ADGRL1: variants seen among roughly 807,000 people sequenced by gnomAD.
ADGRL1 encodes the protein adhesion G protein-coupled receptor L1.
In ADGRL1, 31 loss-of-function variants were observed where a neutral mutation model predicts 148.9. The observed-to-expected ratio is 0.21, with a 90% confidence interval of 0.16 to 0.28. ADGRL1 has a LOEUF of 0.28. Among genes scored for constraint, ADGRL1 ranks in the 10% least tolerant of loss-of-function variants. The probability of loss-of-function intolerance (pLI) is 1.00; values close to 1 mark genes in which losing one functional copy is unlikely to be tolerated. For synonymous variants in ADGRL1, 937 were observed against 900.3 expected (o/e 1.04, Z -0.73); for missense variants, 1,521 against 2,058.8 (o/e 0.74, Z 5.05).
At chr19:14,168,327 C>T (rs1970176125) in intron 4 of ADGRL1, among the ~76,000 whole-genome samples, 1 of 152,164 alleles carries the variant, frequency 6.6e-6, no homozygotes, top group Non-Finnish European at 1.5e-5. Flanking sequence ...CCTCCCTGTC[C>T]TCTAGCTACC....
At chr19:14,191,191 C>A in intron 1 of ADGRL1, 2 of 456,742 alleles carry the variant, frequency 4.4e-6, no homozygotes, top group Non-Finnish European at 8.8e-6. Flanking sequence ...CATGCGGGTT[C>A]CCACCCTCCA....
At chr19:14,201,560 G>A (rs1422886665) in intron 1 of ADGRL1, among the ~76,000 whole-genome samples, 18 of 151,662 alleles carry the variant, frequency 1.2e-4, no homozygotes, top group Admixed American at 1.2e-3. Context: ...GAGACTACAG[G>A]TACATATTCA....
Position 14,151,530 on chromosome 19 carries a change from A to C in ADGRL1, c.3753T>G (p.Ser1251Arg). ...GNFNNSYSLR[S>R]GDFPPGDGGP... ...CCCCATCCCCGGGAGGGAAATCCCCACTTCGCAAGGAGTAACTGTTATTGA... is the reference window on the plus strand; with the variant it reads ...CCCCATCCCCGGGAGGGAAATCCCCCCTTCGCAAGGAGTAACTGTTATTGA... Residue 1251 changes from serine (S) to arginine (R), a missense_variant, in exon 23 of 23, where the codon AGT (serine) becomes AGG (arginine). Physicochemically the swap from Ser to Arg is moderately radical, Grantham distance 110. Transcript: ENST00000361434. The C allele has an allele frequency of 6.2e-7, 1 of 1,611,260 alleles. No individual in the cohort carries two copies. Among genetic ancestry groups the C allele is most frequent in the Non-Finnish European group, 8.5e-7 (1 of 1,179,044 alleles).
chr19:14,156,734 A>C lies in ADGRL1; in HGVS notation c.2967-10T>G. 6.2e-7 allele frequency: 1 copy of C among 1,606,672 alleles called. No homozygotes were observed. Among genetic ancestry groups the C allele is most frequent in the Non-Finnish European group, 8.5e-7 (1 of 1,176,648 alleles). Reference sequence around the variant, plus strand: ...CACTCGGAGCCAGCAGCTGTAAAGGAAACAGGGCCGGGGTATAGAGAGAAG... The same window carrying C: ...CACTCGGAGCCAGCAGCTGTAAAGGCAACAGGGCCGGGGTATAGAGAGAAG... On this transcript the variant is annotated splice_polypyrimidine_tract_variant and intron_variant, in intron 15 of 22. Transcript: ENST00000361434.
rs1968067025 is a variant in ADGRL1 at position 14,150,626 on chromosome 19, C to G, written c.*247G>C. On this transcript the variant is annotated 3_prime_UTR_variant, in exon 23 of 23. Coordinates refer to ENST00000361434, the MANE Select transcript of ADGRL1 (RefSeq NM_014921.5). ...CACTCCCCTGGGGTCCTCTGGGCTCCTCCTCACTACACTTCCCCCAAATAG... is the reference window on the plus strand; with the variant it reads ...CACTCCCCTGGGGTCCTCTGGGCTCGTCCTCACTACACTTCCCCCAAATAG... 1.9e-6 allele frequency: 1 copy of G among 536,710 alleles called. No individual in the cohort carries two copies. The highest frequency in any genetic ancestry group is 2.5e-5 in the South Asian group (1 of 39,468). 33.2% of individuals were successfully genotyped at this position (536,710 alleles called of 1,614,324 possible).
At chr19:14,172,479 C>A (rs997739861) in intron 3 of ADGRL1, among the ~76,000 whole-genome samples, 1 of 152,024 alleles carries the variant, frequency 6.6e-6, no homozygotes, top group Non-Finnish European at 1.5e-5. Flanking sequence ...GTGGCTCACA[C>A]CTGTAATCCC....
Position 14,159,587 on chromosome 19 carries a change from G to A in ADGRL1, c.1840-3C>T. 1 of 1,594,918 alleles carries A rather than the reference G, an allele frequency of 6.3e-7. No homozygotes were observed. The highest frequency in any genetic ancestry group is 8.6e-7 in the Non-Finnish European group (1 of 1,166,542). The stretch of plus-strand genomic sequence containing the variant: ...TTGTCCACTGTCTCCACCACGGCCT[G>A]CACAGGCAGAGGGCATGGTGCTGTG... On this transcript the variant is annotated splice_region_variant and splice_polypyrimidine_tract_variant and intron_variant, in intron 9 of 22. Transcript: ENST00000361434. The surrounding 1 kb of genome is among the most constrained non-coding windows in gnomAD (Gnocchi z 6.0).
chr19:14,156,571 G>T (rs1255148229), intron 16 of ADGRL1, 87 bp downstream of exon 16: 78 of 892,690 alleles, frequency 8.7e-5, no homozygotes, highest in Non-Finnish European at 1.3e-4. Context: ...GTGTGTGGGG[G>T]GGGTGGGGGG....
intron 1 of ADGRL1, among the ~76,000 whole-genome samples, chr19:14,204,715 A>AGT (rs1273395868): frequency 9.4e-4 from 14 of 14,848 alleles, no homozygotes; most frequent in South Asian, 7.8e-3. Context: ...AGAGAGAGTG[A>AGT]GAGAGAGAGA....
In ADGRL1 at chr19:14,161,607, G is replaced by A; in HGVS notation, c.1215C>T (p.Pro405=). ...GCCTGGCTGTGGTGGTCGTGCTGAG[G>A]GGTGGGGAAGTGGCTGGGCCTGGAG... ...DPSAGPATSP[P]LSTTTTARPT... is the part of the protein sequence containing the mutation. The change falls in exon 6 of 23, where the codon CCC becomes CCT. Residue 405 remains proline (P), a synonymous_variant. Transcript: ENST00000361434. This position sits in a 1 kb window ranked among gnomAD's most constrained non-coding sequence, Gnocchi z 4.4. The A allele has an allele frequency of 7.0e-7, 1 of 1,423,936 alleles. No homozygotes were observed. The allele number at this position is 1,423,936 out of a possible 1,614,324, so 88.2% of individuals were successfully genotyped here.
intron 4 of ADGRL1, chr19:14,166,991 T>C: frequency 6.2e-7 from 1 of 1,611,194 alleles, no homozygotes; most frequent in Non-Finnish European, 8.5e-7. Context: ...GAGTTAGGGG[T>C]TAGCATTGGT....
chr19:14,198,114 A>G (rs1332276620), intron 1 of ADGRL1, among the ~76,000 whole-genome samples: 1 of 151,998 alleles, frequency 6.6e-6, no homozygotes, highest in African/African-American at 2.4e-5. Flanking sequence ...GAATGTGCTG[A>G]GATGTGGCTG....
At chr19:14,156,844 G>A (rs1207945354) in intron 15 of ADGRL1, 81 bp downstream of exon 15, 12 of 1,534,400 alleles carry the variant, frequency 7.8e-6, no homozygotes, top group Admixed American at 1.8e-5. Context: ...AGGGACTACC[G>A]CCCTGAGGGT....
intron 18 of ADGRL1, among the ~76,000 whole-genome samples, chr19:14,154,132 A>G (rs983884464): frequency 3.3e-5 from 5 of 152,016 alleles, no homozygotes; most frequent in Non-Finnish European, 4.4e-5. Context: ...CTGAAAGGAC[A>G]TTGCTGCCAC....
chr19:14,156,575 T>TG (rs1568571217), intron 16 of ADGRL1, 83 bp downstream of exon 16: 4 of 499,172 alleles, frequency 8.0e-6, no homozygotes, highest in African/African-American at 5.8e-5. Context: ...GTGGGGGGGG[T>TG]GGGGGGCGGG....
At position 14,159,326 on chromosome 19, in the gene ADGRL1, C is replaced by A; in HGVS notation, c.2023+75G>T. The A allele has an allele frequency of 1.9e-5, 30 of 1,571,830 alleles. No individual in the cohort carries two copies. Among genetic ancestry groups the A allele is most frequent in the Middle Eastern group, 3.5e-4 (2 of 5,796 alleles). ...AGATGCCCAAGGGTCGGATAGCCCC[C>A]CTGTGGCCTCCAGGCCAGAACCCCG... On this transcript the variant is annotated intron_variant, in intron 10 of 22. Transcript: ENST00000361434. This position sits in a 1 kb window ranked among gnomAD's most constrained non-coding sequence, Gnocchi z 6.0.
rs1290864655 is a variant in ADGRL1 at position 14,155,253 on chromosome 19, G to A, written c.3294+106C>T. 1 of 1,319,750 alleles carries A rather than the reference G, an allele frequency of 7.6e-7. No homozygotes were observed. The highest frequency in any genetic ancestry group is 1.1e-6 in the Non-Finnish European group (1 of 947,746). The allele number at this position is 1,319,750 out of a possible 1,614,324, so 81.8% of individuals were successfully genotyped here. A position where few individuals can be genotyped will look rare whatever the true frequency, so the allele number is the denominator to read the frequency against. ...CAGAAGCCCTGCAGCACTCACTGGG[G>A]GCTTGAGGGAGCCCCTGAGTCCCCT... On this transcript the variant is annotated intron_variant, in intron 18 of 22. Transcript: ENST00000361434. The surrounding 1 kb of genome is among the most constrained non-coding windows in gnomAD (Gnocchi z 5.0).
chr19:14,168,333 C>T (rs1970176766), intron 4 of ADGRL1, among the ~76,000 whole-genome samples: 1 of 152,198 alleles, frequency 6.6e-6, no homozygotes, highest in Admixed American at 6.5e-5. Context: ...TGTCCTCTAG[C>T]TACCTCCTGT....
Position 14,160,421 on chromosome 19 carries a change from C to T in ADGRL1, c.1615-124G>A, listed in dbSNP as rs1599412342. 27 of 982,936 alleles carry T rather than the reference C, an allele frequency of 2.7e-5. No homozygotes were observed. In the East Asian group the frequency reaches 7.1e-4, roughly 26 times the overall value. 60.9% of individuals were successfully genotyped at this position (982,936 alleles called of 1,614,324 possible). On this transcript the variant is annotated intron_variant, in intron 7 of 22. Coordinates refer to ENST00000361434, the MANE Select transcript of ADGRL1 (RefSeq NM_014921.5). This position sits in a 1 kb window ranked among gnomAD's most constrained non-coding sequence, Gnocchi z 5.9. ...TCTCCACTTCCCCATCGCCATCTGC[C>T]CCTTCCCACCCCATCTGTCCCTGCT... is the stretch of plus-strand genomic sequence containing the variant.
Sources: allele counts gnomAD v4.1 joint callset (sites outside exome capture counted in the v4.1 genomes callset), GRCh38; gene constraint gnomAD v4.1.1; non-coding constraint Gnocchi (gnomAD v3.1); transcripts MANE v1.5; gene names NCBI Gene and HGNC (gene_info 2026-07-23, HGNC 2026-07-21).